The following AP3M1 variants were observed in gnomAD, a reference collection of about 807,000 sequenced individuals.
AP3M1 encodes the protein adaptor related protein complex 3 subunit mu 1.
Under a neutral mutation model 42.6 loss-of-function variants are expected in AP3M1, and 29 were observed. That is an observed-to-expected ratio of 0.68 (90% confidence interval 0.51 to 0.93). The LOEUF (loss-of-function observed/expected upper bound fraction) is 0.93. Ranked by LOEUF, AP3M1 falls within the 40% of genes least tolerant of loss-of-function variation. The pLI, the probability that AP3M1 is intolerant of heterozygous loss-of-function variation, is 0.00. For missense variants in AP3M1, 416 were observed against 510.2 expected, an observed-to-expected ratio of 0.82 and a Z score of 1.78; for synonymous variants, 178 against 175.3, an observed-to-expected ratio of 1.02 and a Z score of -0.12.
chr10:74,137,622 T>C (rs2131984088), intron 2 of AP3M1, among the ~76,000 whole-genome samples: 1 of 152,320 alleles, frequency 6.6e-6, no homozygotes, highest in African/African-American at 2.4e-5. Context: ...GGATCCCCTG[T>C]AGATACCAAA....
At position 74,123,900 on chromosome 10, in the gene AP3M1, T is replaced by C. The variant is rs757576888; in HGVS notation, c.1167A>G (p.Val389=). The change falls in exon 9 of 9, where the codon GTA becomes GTG. Residue 389 remains valine (V), a synonymous_variant. Coordinates refer to ENST00000355264, the MANE Select transcript of AP3M1 (RefSeq NM_012095.6). ...IQQLAISGLK[V]NRLDMYGEKY... ...TCTCCCCATACATGTCCAAACGGTT[T>C]ACTTTTAAGCCTGTATCAAAAAGAA... 6.2e-7 allele frequency: 1 copy of C among 1,613,522 alleles called. No individual in the cohort carries two copies. The highest frequency in any genetic ancestry group is 1.1e-5 in the South Asian group (1 of 91,064).
intron 7 of AP3M1, 146 bp downstream of exon 7, chr10:74,126,002 C>T (rs1404680198): frequency 2.6e-6 from 2 of 760,980 alleles, no homozygotes; most frequent in Non-Finnish European, 2.2e-6. Context: ...CAGCCAGTGG[C>T]AGAAGCACAG....
intron 1 of AP3M1, among the ~76,000 whole-genome samples, chr10:74,146,080 CAACTT>C (rs1234802409): frequency 2.0e-5 from 3 of 152,134 alleles, no homozygotes; most frequent in African/African-American, 7.2e-5. Flanking sequence ...GCAGAGAAGA[CAACTT>C]AATACAGTTA....
Position 74,150,773 on chromosome 10 carries a change from C to G in AP3M1, c.-22G>C, listed in dbSNP as rs1367026915. On this transcript the variant is annotated 5_prime_UTR_variant, in exon 1 of 9. Coordinates refer to ENST00000355264, the MANE Select transcript of AP3M1 (RefSeq NM_012095.6). The stretch of plus-strand genomic sequence containing the variant: ...CACTCACCCCAACACCTGTGCCAGT[C>G]AGTGATTCGGCGCCGGATCCTCTCC... 1 of 179,944 alleles carries G rather than the reference C, an allele frequency of 5.6e-6. No homozygotes were observed. Among genetic ancestry groups the G allele is most frequent in the East Asian group, 1.5e-4 (1 of 6,854 alleles). 11.1% of individuals were successfully genotyped at this position (179,944 alleles called of 1,614,324 possible).
At position 74,120,452 on chromosome 10, in the gene AP3M1, GCTAT is replaced by G. The variant is rs765541839; in HGVS notation, c.*3354_*3357del. On this transcript the variant is annotated 3_prime_UTR_variant, in exon 9 of 9. Coordinates refer to ENST00000355264, the MANE Select transcript of AP3M1 (RefSeq NM_012095.6). ...TTTATTTTCATCTTAGAAGATTCTAGCTATCTGTGGAGACCACCACTGTTCCCCG... is the reference window on the plus strand; with the variant it reads ...TTTATTTTCATCTTAGAAGATTCTAGCTGTGGAGACCACCACTGTTCCCCG... 4.6e-5 allele frequency: 7 copies of G among 152,320 alleles called. No homozygotes were observed. Among genetic ancestry groups the G allele is most frequent in the African/African-American group, 1.7e-4 (7 of 41,566 alleles). 9.4% of individuals were successfully genotyped at this position (152,320 alleles called of 1,614,324 possible).
Position 74,136,776 on chromosome 10 carries a change from C to T in AP3M1, c.301G>A (p.Ala101Thr). 1.3e-6 allele frequency: 2 copies of T among 1,542,770 alleles called. No homozygotes were observed. The highest frequency in any genetic ancestry group is 8.9e-7 in the Non-Finnish European group (1 of 1,129,532). ...ACTATGACCACATTATCCTTAATTG[C>T]AGCCTCTGAACACTCACCAAAGTAG... The part of the protein sequence containing the change: ...QDYFGECSEA[A>T]IKDNVVIVYE... The change falls in exon 3 of 9, where the codon GCA (alanine) becomes ACA (threonine). Residue 101 changes from alanine to threonine, a missense_variant. Physicochemically the swap from Ala to Thr is moderately conservative, Grantham distance 58. Transcript: ENST00000355264.
rs1840703311 is a variant in AP3M1 at position 74,129,188 on chromosome 10, A to G, written c.723T>C (p.Arg241=). ...ATGACAAAACTCTTTCAGATTCCCAACGCTTGAACCGGATGCAGGGGTGAA... is the reference window on the plus strand; with the variant it reads ...ATGACAAAACTCTTTCAGATTCCCAGCGCTTGAACCGGATGCAGGGGTGAA... ...VSFHPCIRFK[R]WESERVLSFI... is the part of the protein sequence containing the mutation. The change falls in exon 6 of 9, where the codon CGT becomes CGC. Residue 241 remains arginine, a synonymous_variant. Coordinates refer to ENST00000355264, the MANE Select transcript of AP3M1 (RefSeq NM_012095.6). The G allele has an allele frequency of 6.2e-7, 1 of 1,614,020 alleles. No homozygotes were observed. The highest frequency in any genetic ancestry group is 8.5e-7 in the Non-Finnish European group (1 of 1,180,012).
In AP3M1 at chr10:74,129,093, G is replaced by A. The variant is rs1394087966; in HGVS notation, c.803+15C>T. 6.2e-7 allele frequency: 1 copy of A among 1,613,246 alleles called. No homozygotes were observed. Among genetic ancestry groups the A allele is most frequent in the Non-Finnish European group, 8.5e-7 (1 of 1,179,600 alleles). ...ATATGTATGATGGCAGATTCTGGCTGATGCATCAACATACTTTTGTGAGCT... is the reference window on the plus strand; with the variant it reads ...ATATGTATGATGGCAGATTCTGGCTAATGCATCAACATACTTTTGTGAGCT... On this transcript the variant is annotated intron_variant, in intron 6 of 8. Coordinates refer to ENST00000355264, the MANE Select transcript of AP3M1 (RefSeq NM_012095.6).
chr10:74,136,746 C>A lies in AP3M1; in HGVS notation c.331G>T (p.Glu111Ter). The A allele has an allele frequency of 6.3e-7, 1 of 1,582,548 alleles. No homozygotes were observed. Among genetic ancestry groups the A allele is most frequent in the South Asian group, 1.1e-5 (1 of 88,244 alleles). Residue 111 changes from glutamate to a stop codon, truncating the protein, a stop_gained, in exon 3 of 9, where the codon GAA becomes TAA. Transcript: ENST00000355264. LOFTEE classifies it high-confidence loss of function. ...AIKDNVVIVY[E>*]LLEEMLDNGF... ...TTGTCTAACATTTCTTCTAAGAGTT[C>A]ATATACTATGACCACATTATCCTTA...
intron 7 of AP3M1, among the ~76,000 whole-genome samples, chr10:74,124,908 G>A (rs970251055): frequency 3.9e-5 from 6 of 152,150 alleles, no homozygotes; most frequent in Non-Finnish European, 7.4e-5. Flanking sequence ...GTAAGGCTGG[G>A]ATTTGAACCT....
chr10:74,141,046 T>C (rs1413974315), intron 1 of AP3M1, among the ~76,000 whole-genome samples: 1 of 152,156 alleles, frequency 6.6e-6, no homozygotes, highest in African/African-American at 2.4e-5. Flanking sequence ...AACTTAGTGC[T>C]TCAAAGGACA....
At chr10:74,146,475 T>G (rs902158261) in intron 1 of AP3M1, among the ~76,000 whole-genome samples, 1 of 152,144 alleles carries the variant, frequency 6.6e-6, no homozygotes, top group Non-Finnish European at 1.5e-5. Context: ...GTCTAGAGTC[T>G]TGACTATGAG....
At chr10:74,136,398 ATTG>A (rs1427330213) in intron 3 of AP3M1, among the ~76,000 whole-genome samples, 1 of 151,918 alleles carries the variant, frequency 6.6e-6, no homozygotes, top group Admixed American at 6.6e-5. Context: ...TGGTAATAAT[ATTG>A]TTGTGGTGTT....
In AP3M1 at chr10:74,136,695, T is replaced by TA. The variant is rs1478267015; in HGVS notation, c.381dup (p.Asn128Ter). On this transcript the variant is annotated frameshift_variant, in exon 3 of 9. Transcript: ENST00000355264. LOFTEE classifies it high-confidence loss of function. ...GGTTTAATCAATTCTTTCAAAATGT[T>TA]AGATTCGGTAGCCAGTGGAAATCCA... The TA allele has an allele frequency of 6.3e-7, 1 of 1,596,772 alleles. No homozygotes were observed. The highest frequency in any genetic ancestry group is 2.2e-5 in the East Asian group (1 of 44,560).
intron 4 of AP3M1, among the ~76,000 whole-genome samples, chr10:74,131,831 C>T (rs969780871): frequency 2.6e-5 from 4 of 151,934 alleles, no homozygotes; most frequent in African/African-American, 7.3e-5. Context: ...TGTGAGCCAC[C>T]GTGCCTGGCA....
intron 1 of AP3M1, among the ~76,000 whole-genome samples, chr10:74,144,613 G>A (rs1282051024): frequency 6.6e-6 from 1 of 151,356 alleles, no homozygotes; most frequent in African/African-American, 2.4e-5. Flanking sequence ...AACCATATAT[G>A]GTTAGTAGTT....
chr10:74,126,041 A>T, intron 7 of AP3M1, 107 bp downstream of exon 7: 1 of 1,181,790 alleles, frequency 8.5e-7, no homozygotes, highest in Admixed American at 1.8e-5. Context: ...TTTTGATACG[A>T]ACTTTAGTTT....
At chr10:74,133,956 A>G (rs963691000) in intron 4 of AP3M1, 71 bp downstream of exon 4, 3 of 1,577,702 alleles carry the variant, frequency 1.9e-6, no homozygotes, top group African/African-American at 1.3e-5. Flanking sequence ...CCCGGCCAGG[A>G]CTTCAGTTTT....
intron 7 of AP3M1, among the ~76,000 whole-genome samples, chr10:74,125,410 C>T (rs1840585519): frequency 1.3e-5 from 2 of 152,312 alleles, no homozygotes; most frequent in Middle Eastern, 3.4e-3. Flanking sequence ...GAAAGCAAAG[C>T]TGTCATAGTT....
Sources: allele counts gnomAD v4.1 joint callset (sites outside exome capture counted in the v4.1 genomes callset), GRCh38; gene constraint gnomAD v4.1.1; transcripts MANE v1.5; gene names NCBI Gene and HGNC (gene_info 2026-07-23, HGNC 2026-07-21).